UQCC6: variants seen among roughly 807,000 people sequenced by gnomAD.
The protein encoded by UQCC6 is ubiquinol-cytochrome c reductase complex assembly factor 6.
At chr12:103,955,350 A>AC in the UQCC6 span, among the ~76,000 whole-genome samples, 1 of 151,930 alleles carries the variant, frequency 6.6e-6, no homozygotes, top group Non-Finnish European at 1.5e-5. Context: ...TGCAAATACA[A>AC]ATGGAGCCAG....
At chr12:103,956,652 G>A in the UQCC6 span, 4 of 1,551,482 alleles carry the variant, frequency 2.6e-6, no homozygotes, top group Non-Finnish European at 3.5e-6. Context: ...GGTAGTACCT[G>A]TGCACCACTT....
chr12:103,954,464 G>A, the UQCC6 span, among the ~76,000 whole-genome samples: 1 of 152,218 alleles, frequency 6.6e-6, no homozygotes, highest in African/African-American at 2.4e-5. Context: ...AGGCAAGAGA[G>A]GGAGTGAGAG....
chr12:103,954,072 C>G, the UQCC6 span, among the ~76,000 whole-genome samples: 7 of 152,142 alleles, frequency 4.6e-5, no homozygotes, highest in Non-Finnish European at 8.8e-5. Context: ...TACATACTAC[C>G]TAAATGTCAA....
At chr12:103,965,367 G>A in the UQCC6 span, 1 of 152,220 alleles carries the variant, frequency 6.6e-6, no homozygotes, top group Non-Finnish European at 1.5e-5. Context: ...AAGTAATGCG[G>A]AGAGTGGTTT....
the UQCC6 span, among the ~76,000 whole-genome samples, chr12:103,961,709 A>G: frequency 1.3e-5 from 2 of 152,082 alleles, no homozygotes; most frequent in Non-Finnish European, 2.9e-5. Flanking sequence ...GGTGCCCGCC[A>G]CTACGCCCAG....
At chr12:103,964,668 A>G in the UQCC6 span, among the ~76,000 whole-genome samples, 1 of 152,244 alleles carries the variant, frequency 6.6e-6, no homozygotes, top group Non-Finnish European at 1.5e-5. Context: ...ATGCCCTGAA[A>G]TAACTGAGGC....
At chr12:103,951,441 T>G in the UQCC6 span, 1 of 748,558 alleles carries the variant, frequency 1.3e-6, no homozygotes, top group African/African-American at 1.8e-5. Flanking sequence ...TTAGACTAAG[T>G]GCTTAAGGAC....
At chr12:103,956,371 C>A in the UQCC6 span, 1 of 354,284 alleles carries the variant, frequency 2.8e-6, no homozygotes, top group Non-Finnish European at 5.2e-6. Context: ...GCAGATAGGC[C>A]ACAGGTAGGC....
the UQCC6 span, among the ~76,000 whole-genome samples, chr12:103,964,262 C>T: frequency 6.7e-6 from 1 of 149,864 alleles, no homozygotes; most frequent in African/African-American, 2.5e-5. Context: ...AAGCGATTCT[C>T]CCACCTCAGC....
At chr12:103,964,113 G>A in the UQCC6 span, among the ~76,000 whole-genome samples, 3 of 135,970 alleles carry the variant, frequency 2.2e-5, no homozygotes, top group South Asian at 2.4e-4. Context: ...TGTCCTCACC[G>A]ACAACTCCTC....
At chr12:103,956,926 T>C in the UQCC6 span, 1 of 565,684 alleles carries the variant, frequency 1.8e-6, no homozygotes, top group Non-Finnish European at 3.2e-6. Flanking sequence ...CTGAGGGCAC[T>C]GAGAGGACGA....
At chr12:103,954,699 G>A in the UQCC6 span, 8 of 474,174 alleles carry the variant, frequency 1.7e-5, no homozygotes, top group African/African-American at 1.2e-4. Flanking sequence ...ACAGTGAGAA[G>A]TAGTAAAGGA....
At chr12:103,963,074 CTTT>C in the UQCC6 span, among the ~76,000 whole-genome samples, 19,824 of 138,188 alleles carry the variant, frequency 0.14, 1,369 homozygotes, top group Admixed American at 0.21. Context: ...TAATACTACA[CTTT>C]TTTTTTTTTT....
At chr12:103,950,507 T>A in the UQCC6 span, 1 of 152,230 alleles carries the variant, frequency 6.6e-6, no homozygotes. Context: ...TCAGGAGGCA[T>A]GGCTTTGAGC....
At chr12:103,954,831 G>A in the UQCC6 span, 9 of 648,364 alleles carry the variant, frequency 1.4e-5, no homozygotes, top group Admixed American at 1.2e-4. Context: ...TGTTTTACAA[G>A]AGTATTGGAT....
At chr12:103,955,893 T>A in the UQCC6 span, 1 of 434,294 alleles carries the variant, frequency 2.3e-6, no homozygotes, top group Non-Finnish European at 4.6e-6. Flanking sequence ...CTTATTAAAA[T>A]TAATTTAAAT....
chr12:103,956,446 A>G, the UQCC6 span: 2 of 558,492 alleles, frequency 3.6e-6, no homozygotes, highest in Non-Finnish European at 6.5e-6. Context: ...GATGCCATCC[A>G]AAGGTTTTGG....
At chr12:103,954,976 CAG>C in the UQCC6 span, 7 of 700,630 alleles carry the variant, frequency 1.0e-5, no homozygotes, top group African/African-American at 1.2e-4. Context: ...CATCTGAAAA[CAG>C]AAATAACACC....
At chr12:103,951,991 G>A in the UQCC6 span, among the ~76,000 whole-genome samples, 35 of 152,240 alleles carry the variant, frequency 2.3e-4, no homozygotes, top group African/African-American at 7.2e-4. Context: ...GAAAATAGGC[G>A]TTAGGAATTA....
Sources: gnomAD v4.1 joint callset for allele counts (sites outside exome capture counted in the v4.1 genomes callset) on GRCh38, gnomAD v4.1.1 for gene constraint, MANE v1.5 for transcripts, NCBI Gene and HGNC (gene_info 2026-07-23, HGNC 2026-07-21) for gene names.